The following TNKS1BP1 variants were observed in gnomAD, a reference collection of about 807,000 sequenced individuals.
The protein encoded by TNKS1BP1 is 182 kDa tankyrase-1-binding protein.
TNKS1BP1 carries 48 observed loss-of-function variants against 141.1 expected under a neutral mutation model. The ratio of observed to expected loss-of-function variants is 0.34; its 90% CI spans 0.27 to 0.43. TNKS1BP1 has a LOEUF of 0.43. Ranked by LOEUF, TNKS1BP1 falls within the 20% of genes least tolerant of loss-of-function variation. The probability of loss-of-function intolerance (pLI) is 1.00; values close to 1 mark genes in which losing one functional copy is unlikely to be tolerated. For missense variants in TNKS1BP1, 2,149 were observed against 2,226.0 expected, an observed-to-expected ratio of 0.97 and a Z score of 0.70; for synonymous variants, 875 against 898.2, an observed-to-expected ratio of 0.97 and a Z score of 0.46.
chr11:57,316,235 G>A (rs566534281), intron 4 of TNKS1BP1, among the ~76,000 whole-genome samples: 1 of 152,168 alleles, frequency 6.6e-6, no homozygotes, highest in South Asian at 2.1e-4. Flanking sequence ...CCCAGTCCTG[G>A]AGGCTGTCTC....
Position 57,308,599 on chromosome 11 carries a change from C to T in TNKS1BP1, c.4112G>A (p.Ser1371Asn), listed in dbSNP as rs1252229907. The part of the protein sequence containing the change: ...EAREHGVGGV[S>N]QCPEPGLRHN... Reference sequence around the variant, plus strand: ...CCTCAGGCCGGGCTCTGGGCACTGGCTCACCCCGCCCACCCCATGCTCCCT... The same window carrying T: ...CCTCAGGCCGGGCTCTGGGCACTGGTTCACCCCGCCCACCCCATGCTCCCT... Residue 1371 changes from serine (S) to asparagine (N), a missense_variant, in exon 6 of 12, where the codon AGC (serine) becomes AAC (asparagine). By Grantham distance (46) the Ser-to-Asn change is conservative (BLOSUM62 1). Transcript: ENST00000358252. 8 of 1,614,010 alleles carry T rather than the reference C, an allele frequency of 5.0e-6. No individual in the cohort carries two copies. Among genetic ancestry groups the T allele is most frequent in the Non-Finnish European group, 6.8e-6 (8 of 1,179,982 alleles).
rs1054609364 is a variant in TNKS1BP1, at chr11:57,302,151, G to A, written c.4757C>T (p.Pro1586Leu). 8 of 1,613,542 alleles carry A rather than the reference G, an allele frequency of 5.0e-6. No homozygotes were observed. The highest frequency in any genetic ancestry group is 1.7e-4 in the Middle Eastern group (1 of 6,060). Residue 1586 changes from proline (P) to leucine (L), a missense_variant, in exon 8 of 12, where the codon CCG becomes CTG. Physicochemically the swap from Pro to Leu is moderately conservative, Grantham distance 98. Transcript: ENST00000358252. The surrounding 1 kb of genome is among the most constrained non-coding windows in gnomAD (Gnocchi z 5.5). ...NLGRKRGHRA[P>L]VIRPGGTLGL... is the part of the protein sequence containing the mutation. Reference sequence around the variant, plus strand: ...CAAGGTACCCCCAGGCCGAATGACCGGGGCCCGGTGCCCACGCTTGCGCCC... The same window carrying A: ...CAAGGTACCCCCAGGCCGAATGACCAGGGCCCGGTGCCCACGCTTGCGCCC...
At chr11:57,322,528 C>A (rs1196712574) in intron 1 of TNKS1BP1, among the ~76,000 whole-genome samples, 1 of 152,196 alleles carries the variant, frequency 6.6e-6, no homozygotes, top group Non-Finnish European at 1.5e-5. Flanking sequence ...ACTGTCTCAT[C>A]CAAACACGGA....
In TNKS1BP1 at chr11:57,320,028, C is replaced by T. The variant is rs996526847; in HGVS notation, c.728+51G>A. The T allele has an allele frequency of 3.4e-6, 5 of 1,471,930 alleles. No individual in the cohort carries two copies. In the South Asian group the frequency reaches 3.5e-5, roughly 10 times the overall value. 91.2% of individuals were successfully genotyped at this position (1,471,930 alleles called of 1,614,324 possible). A position where few individuals can be genotyped will look rare whatever the true frequency, so the allele number is the denominator to read the frequency against. On this transcript the variant is annotated intron_variant, in intron 3 of 11. Coordinates refer to ENST00000358252, the MANE Select transcript of TNKS1BP1 (RefSeq NM_033396.3). ...GGTCCCCAGCCCCCACCCAATCCCA[C>T]CCCACCTGACCTCCAGGCTGCCACA...
chr11:57,311,619 G>A (rs757462487), intron 5 of TNKS1BP1: 5 of 248,522 alleles, frequency 2.0e-5, no homozygotes, highest in African/African-American at 9.3e-5. Flanking sequence ...CCTTCTCCCC[G>A]CCCCGCAGCC....
chr11:57,312,828 C>T lies in TNKS1BP1; in HGVS notation c.1860G>A (p.Gly620=). ...GGTCAGGGGCTGCTGGCTGCTCCTG[C>T]CCCAGGACTGGCTCCAGGATGGGCA... is the stretch of plus-strand genomic sequence containing the variant. ...AALPILEPVL[G]QEQPAAPDQP... The change falls in exon 5 of 12, where the codon GGG becomes GGA. Residue 620 remains glycine, a synonymous_variant. Coordinates refer to ENST00000358252, the MANE Select transcript of TNKS1BP1 (RefSeq NM_033396.3). 3 of 1,611,674 alleles carry T rather than the reference C, an allele frequency of 1.9e-6. No individual in the cohort carries two copies. Among genetic ancestry groups the T allele is most frequent in the Non-Finnish European group, 1.7e-6 (2 of 1,178,814 alleles).
Position 57,313,111 on chromosome 11 carries a change from T to A in TNKS1BP1, c.1577A>T (p.Gln526Leu). ...AGCTGACCCAGCCCCTTGCCCCTGCTGAGACACTCCTTCTTCCCTGCTGGA... is the reference window on the plus strand; with the variant it reads ...AGCTGACCCAGCCCCTTGCCCCTGCAGAGACACTCCTTCTTCCCTGCTGGA... ...AVSSREEGVS[Q>L]QGQGAGSAPS... Residue 526 changes from glutamine to leucine, a missense_variant, in exon 5 of 12, where the codon CAG becomes CTG. Coordinates refer to ENST00000358252, the MANE Select transcript of TNKS1BP1 (RefSeq NM_033396.3). 6.2e-7 allele frequency: 1 copy of A among 1,613,332 alleles called. No homozygotes were observed. The highest frequency in any genetic ancestry group is 8.5e-7 in the Non-Finnish European group (1 of 1,180,016).
At chr11:57,324,402 C>A (rs1455795726) in intron 1 of TNKS1BP1, among the ~76,000 whole-genome samples, 1 of 148,678 alleles carries the variant, frequency 6.7e-6, no homozygotes, top group Non-Finnish European at 1.5e-5. Flanking sequence ...TGTGAGCGGG[C>A]TGTGAAGCAG....
At chr11:57,321,750 C>A in intron 2 of TNKS1BP1, 42 bp downstream of exon 2, 1 of 1,330,058 alleles carries the variant, frequency 7.5e-7, no homozygotes, top group South Asian at 1.2e-5. Flanking sequence ...TCCTTCCCAC[C>A]CCCCTCCCAG....
chr11:57,314,701 G>C (rs567957529), intron 4 of TNKS1BP1, among the ~76,000 whole-genome samples: 8 of 152,148 alleles, frequency 5.3e-5, no homozygotes, highest in African/African-American at 1.7e-4. Context: ...GAGAAGAGGG[G>C]GACAAACAAG....
rs1475800057 is a variant in TNKS1BP1, at chr11:57,309,459, T to G, written c.3252A>C (p.Arg1084=). Residue 1084 remains arginine (R), a synonymous_variant, in exon 6 of 12, where the codon CGA becomes CGC. Coordinates refer to ENST00000358252, the MANE Select transcript of TNKS1BP1 (RefSeq NM_033396.3). The surrounding 1 kb of genome is among the most constrained non-coding windows in gnomAD (Gnocchi z 4.3). The part of the protein sequence containing the change: ...ADLEDGEMGK[R]GWVGEFSLSV... ...TGAGGCTAAACTCACCGACCCAGCCTCGCTTTCCCATCTCCCCATCTTCCA... is the reference window on the plus strand; with the variant it reads ...TGAGGCTAAACTCACCGACCCAGCCGCGCTTTCCCATCTCCCCATCTTCCA... 6.2e-7 allele frequency: 1 copy of G among 1,614,040 alleles called. No individual in the cohort carries two copies. The highest frequency in any genetic ancestry group is 8.5e-7 in the Non-Finnish European group (1 of 1,180,016).
At chr11:57,321,665 C>G in intron 2 of TNKS1BP1, 127 bp downstream of exon 2, 1 of 1,081,024 alleles carries the variant, frequency 9.3e-7, no homozygotes, top group Admixed American at 2.6e-5. Flanking sequence ...CCTGTACTGC[C>G]TTGGTACTCC....
intron 4 of TNKS1BP1, 95 bp downstream of exon 4, chr11:57,317,723 C>A: frequency 7.6e-7 from 1 of 1,310,754 alleles, no homozygotes; most frequent in Non-Finnish European, 1.1e-6. Flanking sequence ...CCTCAGTTTC[C>A]CCATCTGAAC....
chr11:57,312,045 G>A (rs1855720852), intron 5 of TNKS1BP1, among the ~76,000 whole-genome samples: 1 of 152,178 alleles, frequency 6.6e-6, no homozygotes, highest in African/African-American at 2.4e-5. Flanking sequence ...GAGGCAGAGG[G>A]CAGAAAAGTC....
In TNKS1BP1 at chr11:57,309,150, A is replaced by T; in HGVS notation, c.3561T>A (p.Ser1187Arg). ...GSGGSSEARE[S>R]AVGQMGWSGG... ...CTGACCAGCCCATCTGTCCCACGGC[A>T]CTCTCCCTGGCCTCGCTCGAGCCCC... The change falls in exon 6 of 12, where the codon AGT (serine) becomes AGA (arginine). Residue 1187 changes from serine to arginine, a missense_variant. Coordinates refer to ENST00000358252, the MANE Select transcript of TNKS1BP1 (RefSeq NM_033396.3). This position sits in a 1 kb window ranked among gnomAD's most constrained non-coding sequence, Gnocchi z 4.3. The T allele has an allele frequency of 6.2e-7, 1 of 1,612,986 alleles. No individual in the cohort carries two copies. The highest frequency in any genetic ancestry group is 8.5e-7 in the Non-Finnish European group (1 of 1,179,752).
At chr11:57,300,829 T>C in intron 10 of TNKS1BP1, 55 bp downstream of exon 10, 1 of 1,574,100 alleles carries the variant, frequency 6.4e-7, no homozygotes, top group Non-Finnish European at 8.6e-7. Context: ...GAGTTTCCCT[T>C]TTCATCAGGG....
chr11:57,301,393 T>C (rs958127641), intron 9 of TNKS1BP1, among the ~76,000 whole-genome samples: 1 of 151,956 alleles, frequency 6.6e-6, no homozygotes, highest in African/African-American at 2.4e-5. Flanking sequence ...TAAGATCAAA[T>C]ACATACAAGA....
chr11:57,316,954 C>T (rs1855808803), intron 4 of TNKS1BP1, among the ~76,000 whole-genome samples: 1 of 152,220 alleles, frequency 6.6e-6, no homozygotes, highest in Non-Finnish European at 1.5e-5. Context: ...CGTTGGTCCT[C>T]ACTACCACCT....
At position 57,312,075 on chromosome 11, in the gene TNKS1BP1, T is replaced by C. The variant is rs191863475; in HGVS notation, c.2154+459A>G. Among the ~76,000 whole-genome samples, 4 of 152,318 alleles carry C rather than the reference T, an allele frequency of 2.6e-5. No individual in the cohort carries two copies. In the East Asian group the frequency reaches 5.8e-4, roughly 22 times the overall value. ...AAAGTCACTCTTTTAAGGTCACACC[T>C]GGGCAAAGGAAAGCAGAGCCAGGAG... On this transcript the variant is annotated intron_variant, in intron 5 of 11. Coordinates refer to ENST00000358252, the MANE Select transcript of TNKS1BP1 (RefSeq NM_033396.3).
Sources: gnomAD v4.1 joint callset for allele counts (sites outside exome capture counted in the v4.1 genomes callset) on GRCh38, gnomAD v4.1.1 for gene constraint, Gnocchi (gnomAD v3.1) non-coding constraint, MANE v1.5 for transcripts, NCBI Gene and HGNC (gene_info 2026-07-23, HGNC 2026-07-21) for gene names.